Variants in TNPO3 observed in about 807,000 individuals in gnomAD.
TNPO3 encodes the protein transportin 3.
TNPO3 carries 65 observed loss-of-function variants against 122.8 expected under a neutral mutation model. The observed-to-expected ratio is 0.53, with a 90% CI of 0.43 to 0.65. The LOEUF (loss-of-function observed/expected upper bound fraction) is 0.65, where lower values mean the gene tolerates loss of function less well. Ranked by LOEUF, TNPO3 falls within the 30% of genes least tolerant of loss-of-function variation. The pLI is 0.00. For synonymous variants in TNPO3, 372 were observed against 411.2 expected (o/e 0.90, Z 1.15); for missense variants, 850 against 1,136.7 (o/e 0.75, Z 3.63).
chr7:128,968,707 T>C (rs933511938), intron 20 of TNPO3, among the ~76,000 whole-genome samples: 10 of 152,144 alleles, frequency 6.6e-5, no homozygotes, highest in Admixed American at 5.9e-4. Context: ...ATAGTTGTTA[T>C]ATAGCAAACT....
At chr7:129,015,241 A>C (rs1803702033) in intron 3 of TNPO3, 106 bp from the exon 4 acceptor site, 3 of 1,140,484 alleles carry the variant, frequency 2.6e-6, no homozygotes, top group Non-Finnish European at 3.7e-6. Context: ...CAACATTCCC[A>C]CCACTGTTAA....
At chr7:129,005,252 T>A (rs984156558) in intron 4 of TNPO3, 93 bp from the exon 5 acceptor site, 11 of 1,226,740 alleles carry the variant, frequency 9.0e-6, no homozygotes, top group Admixed American at 2.5e-5. Context: ...ATGAGAAAGA[T>A]GGCAATAAAA....
intron 21 of TNPO3, among the ~76,000 whole-genome samples, chr7:128,967,076 T>C (rs1354462352): frequency 6.6e-6 from 1 of 152,218 alleles, no homozygotes; most frequent in Non-Finnish European, 1.5e-5. Flanking sequence ...AAAAATCTTA[T>C]ACCAGTTATC....
At position 129,001,176 on chromosome 7, in the gene TNPO3, G is replaced by A. The variant is rs142399971; in HGVS notation, c.755C>T (p.Ala252Val). The A allele has an allele frequency of 1.2e-6, 2 of 1,614,118 alleles. No individual in the cohort carries two copies. The highest frequency in any genetic ancestry group is 4.5e-5 in the East Asian group (2 of 44,882). The change falls in exon 6 of 23, where the codon GCT becomes GTT. Residue 252 changes from alanine (A) to valine (V), a missense_variant. Ala to Val is a moderately conservative substitution (Grantham distance 64, BLOSUM62 0). Transcript: ENST00000265388. Reference sequence around the variant, plus strand: ...CTCCACATTCTCAATGGCATAGAGAGCTGAGCATACACAGTCCGAAGCAGC... The same window carrying A: ...CTCCACATTCTCAATGGCATAGAGAACTGAGCATACACAGTCCGAAGCAGC... ...HEAASDCVCS[A>V]LYAIENVETN...
Position 128,970,230 on chromosome 7 carries a change from T to C in TNPO3, c.2516A>G (p.His839Arg). The C allele has an allele frequency of 6.2e-7, 1 of 1,614,120 alleles. No individual in the cohort carries two copies. The highest frequency in any genetic ancestry group is 1.1e-5 in the South Asian group (1 of 91,082). Reference sequence around the variant, plus strand: ...GGGGGGGAGGCAAAAGCAGCAGGTGTGCAGCAGCTGGCTGACAAGCTGCTG... The same window carrying C: ...GGGGGGGAGGCAAAAGCAGCAGGTGCGCAGCAGCTGGCTGACAAGCTGCTG... ...LGQQLVSQLL[H>R]TCCFCLPPYT... The change falls in exon 20 of 23, where the codon CAC becomes CGC. Residue 839 changes from histidine (H) to arginine (R), a missense_variant. Coordinates refer to ENST00000265388, the MANE Select transcript of TNPO3 (RefSeq NM_012470.4).
chr7:128,975,775 A>C (rs1425948172), intron 17 of TNPO3, 44 bp downstream of exon 17: 1 of 1,198,724 alleles, frequency 8.3e-7, no homozygotes, highest in Non-Finnish European at 1.2e-6. Context: ...AGGCCTTCAG[A>C]CCCTCTAGGC....
rs768594990 is a variant in TNPO3 at position 129,001,090 on chromosome 7, G to A, written c.841C>T (p.His281Tyr). 6.2e-7 allele frequency: 1 copy of A among 1,614,174 alleles called. No homozygotes were observed. Among genetic ancestry groups the A allele is most frequent in the South Asian group, 1.1e-5 (1 of 91,082 alleles). Residue 281 changes from histidine (H) to tyrosine (Y), a missense_variant, in exon 6 of 23, where the codon CAT becomes TAT. Coordinates refer to ENST00000265388, the MANE Select transcript of TNPO3 (RefSeq NM_012470.4). ...AAATCTTCACGTGCCACGGCCATAT[G>A]ATAGGCAGTCTCCAATGTCAGCACT... Reference protein sequence around the residue: ...QGVLTLETAYHMAVAREDLDK... With the variant: ...QGVLTLETAYYMAVAREDLDK...
intron 13 of TNPO3, 32 bp from the exon 14 acceptor site, chr7:128,982,356 T>A: frequency 1.3e-6 from 2 of 1,592,562 alleles, no homozygotes; most frequent in Non-Finnish European, 8.6e-7. Context: ...AACACCCAAT[T>A]GTCACATGTA....
At chr7:129,005,216 A>G (rs1802434378) in intron 4 of TNPO3, 57 bp from the exon 5 acceptor site, 1 of 1,473,684 alleles carries the variant, frequency 6.8e-7, no homozygotes, top group East Asian at 2.3e-5. Context: ...TTAAACCATT[A>G]TTTCAATCAC....
Position 128,993,840 on chromosome 7 carries a change from A to G in TNPO3, c.1233T>C (p.Ile411=). 1 of 1,614,078 alleles carries G rather than the reference A, an allele frequency of 6.2e-7. No individual in the cohort carries two copies. The highest frequency in any genetic ancestry group is 8.5e-7 in the Non-Finnish European group (1 of 1,180,000). ...AACACTCCATAGACCCTATCAAGAA[A>G]ATCAAGTCCTTTACCAGGTCTGATA... ...MRVSDLVKDL[I]FLIGSMECFA... is the part of the protein sequence containing the mutation. Residue 411 remains isoleucine (I), a synonymous_variant, in exon 9 of 23, where the codon ATT becomes ATC. Coordinates refer to ENST00000265388, the MANE Select transcript of TNPO3 (RefSeq NM_012470.4).
intron 4 of TNPO3, among the ~76,000 whole-genome samples, chr7:129,005,857 C>G (rs1435101693): frequency 6.7e-6 from 1 of 150,186 alleles, no homozygotes; most frequent in Non-Finnish European, 1.5e-5. Context: ...TCTCGGCTCG[C>G]TGCAACCTCC....
intron 4 of TNPO3, among the ~76,000 whole-genome samples, chr7:129,009,482 A>G (rs969989628): frequency 4.6e-5 from 7 of 152,172 alleles, no homozygotes; most frequent in African/African-American, 1.7e-4. Flanking sequence ...GACAAGCTAC[A>G]TGACAAAATT....
At chr7:129,038,386 T>C (rs1339948291) in intron 1 of TNPO3, among the ~76,000 whole-genome samples, 1 of 151,938 alleles carries the variant, frequency 6.6e-6, no homozygotes, top group African/African-American at 2.4e-5. Flanking sequence ...TTGGTGGGAG[T>C]GTAAACTAGT....
At chr7:129,030,040 G>GA (rs1303542035) in intron 1 of TNPO3, 5 of 152,694 alleles carry the variant, frequency 3.3e-5, no homozygotes, top group South Asian at 2.0e-4. Context: ...AAGAAAGAAA[G>GA]AAAAAAAAGA....
chr7:128,971,676 T>TC (rs1798506473), intron 19 of TNPO3, among the ~76,000 whole-genome samples: 2 of 152,304 alleles, frequency 1.3e-5, no homozygotes, highest in South Asian at 4.1e-4. Context: ...ACTTTACTAC[T>TC]CCCACTGCTT....
intron 1 of TNPO3, among the ~76,000 whole-genome samples, chr7:129,027,592 C>A (rs4731539): frequency 0.27 from 15,384 of 56,868 alleles, 1,808 homozygotes; most frequent in East Asian, 0.33. Context: ...AAAAAAAAAA[C>A]AACACAAAAA....
chr7:129,003,146 C>T (rs941485172), intron 5 of TNPO3, among the ~76,000 whole-genome samples: 9 of 150,990 alleles, frequency 6.0e-5, no homozygotes, highest in Non-Finnish European at 1.2e-4. Context: ...TCATTTGAAC[C>T]CAGAGGGCGA....
chr7:129,054,511 C>T (rs1584600883), intron 1 of TNPO3, 140 bp downstream of exon 1: 2 of 1,353,822 alleles, frequency 1.5e-6, no homozygotes, highest in East Asian at 2.5e-5. Flanking sequence ...GATGTAGCTT[C>T]GCAGCCCCAC....
chr7:129,035,352 T>C lies in TNPO3; in HGVS notation c.121-17195A>G, dbSNP rs568528882. 2.3e-4 allele frequency among the ~76,000 whole-genome samples: 35 copies of C among 150,936 alleles called. No individual in the cohort carries two copies. In the South Asian group the frequency reaches 6.7e-3, roughly 29 times the overall value. ...GAACATTGGCTCACACCTATAATCC[T>C]AGCACTTTGGGAGGCTGAGGTGGGA... On this transcript the variant is annotated intron_variant, in intron 1 of 22. Coordinates refer to ENST00000265388, the MANE Select transcript of TNPO3 (RefSeq NM_012470.4).
Sources: gnomAD v4.1 joint callset for allele counts (sites outside exome capture counted in the v4.1 genomes callset) on GRCh38, gnomAD v4.1.1 for gene constraint, MANE v1.5 for transcripts, NCBI Gene and HGNC (gene_info 2026-07-23, HGNC 2026-07-21) for gene names.